Variants in MAPK10 observed in about 807,000 individuals in gnomAD.
The protein encoded by MAPK10 is mitogen-activated protein kinase 10.
Under a neutral mutation model 59.3 loss-of-function variants are expected in MAPK10, and 25 were observed. The ratio of observed to expected loss-of-function variants is 0.42; its 90% CI spans 0.31 to 0.59. The LOEUF (loss-of-function observed/expected upper bound fraction) is 0.59, where lower values mean the gene tolerates loss of function less well. Ranked by LOEUF, MAPK10 falls within the 20% of genes least tolerant of loss-of-function variation. The pLI is 0.15. For synonymous variants in MAPK10, 190 were observed against 200.5 expected, an observed-to-expected ratio of 0.95 and a Z score of 0.44; for missense variants, 351 against 568.9, an observed-to-expected ratio of 0.62 and a Z score of 3.90.
intron 11 of MAPK10, among the ~76,000 whole-genome samples, chr4:86,047,001 T>G (rs541430969): frequency 5.7e-4 from 87 of 152,110 alleles, no homozygotes; most frequent in Non-Finnish European, 9.3e-4. Context: ...GAGGCTAGAG[T>G]GTAACAGAGT....
chr4:86,298,310 C>A (rs1468947131), intron 2 of MAPK10, among the ~76,000 whole-genome samples: 1 of 152,088 alleles, frequency 6.6e-6, no homozygotes, highest in Non-Finnish European at 1.5e-5. Context: ...CAAATCCTGA[C>A]ATAAAAAAGA....
chr4:86,326,724 A>G (rs1447971836), intron 2 of MAPK10: 1 of 152,212 alleles, frequency 6.6e-6, no homozygotes, highest in Non-Finnish European at 1.5e-5. Context: ...AATAACAACT[A>G]AAAGTCTAGC....
At chr4:86,427,964 T>C (rs568905188) in intron 1 of MAPK10, among the ~76,000 whole-genome samples, 30 of 152,302 alleles carry the variant, frequency 2.0e-4, no homozygotes, top group African/African-American at 7.0e-4. Flanking sequence ...AAGACAAAAT[T>C]ACAATAAAAA....
intron 2 of MAPK10, among the ~76,000 whole-genome samples, chr4:86,286,839 G>A (rs921990630): frequency 6.6e-6 from 1 of 152,276 alleles, no homozygotes; most frequent in East Asian, 1.9e-4. Flanking sequence ...CTGTTAGTTT[G>A]TTGATGATGC....
intron 1 of MAPK10, 36 bp downstream of exon 1, chr4:86,359,622 C>G (rs919228649): frequency 1.0e-6 from 1 of 958,234 alleles, no homozygotes; most frequent in Non-Finnish European, 1.2e-6. Flanking sequence ...CCTCCAAAAA[C>G]AGGTTAGAAC....
At chr4:86,099,028 T>TA (rs1209848216) in intron 8 of MAPK10, 4 of 156,724 alleles carry the variant, frequency 2.6e-5, no homozygotes, top group African/African-American at 9.6e-5. Flanking sequence ...TTACAGAGAA[T>TA]AGGGCAACAA....
intron 1 of MAPK10, among the ~76,000 whole-genome samples, chr4:86,490,862 T>C (rs1754404210): frequency 6.6e-6 from 1 of 152,194 alleles, no homozygotes; most frequent in Admixed American, 6.5e-5. Context: ...CAGCTCCAAC[T>C]TAAGAAGGAA....
At chr4:86,236,399 A>G (rs2092233771) in intron 2 of MAPK10, among the ~76,000 whole-genome samples, 1 of 152,176 alleles carries the variant, frequency 6.6e-6, no homozygotes, top group African/African-American at 2.4e-5. Context: ...ACTGGACAAG[A>G]GACAAATGAT....
intron 12 of MAPK10, among the ~76,000 whole-genome samples, chr4:86,030,298 T>A (rs114454183): frequency 6.6e-6 from 1 of 152,046 alleles, no homozygotes; most frequent in Non-Finnish European, 1.5e-5. Context: ...CTCTTTAGTA[T>A]CTTTTAAAAT....
intron 1 of MAPK10, among the ~76,000 whole-genome samples, chr4:86,448,108 C>T (rs1051889699): frequency 7.9e-5 from 12 of 152,242 alleles, no homozygotes; most frequent in East Asian, 5.8e-4. Flanking sequence ...AAATACTTAG[C>T]ACATAAACAC....
At chr4:86,060,718 TG>T (rs1372105932) in intron 11 of MAPK10, among the ~76,000 whole-genome samples, 1 of 152,154 alleles carries the variant, frequency 6.6e-6, no homozygotes, top group Non-Finnish European at 1.5e-5. Context: ...ATCTATAATG[TG>T]TCTTTATTTT....
intron 9 of MAPK10, among the ~76,000 whole-genome samples, chr4:86,098,246 A>T (rs1325280166): frequency 6.6e-6 from 1 of 152,186 alleles, no homozygotes. Flanking sequence ...GGGATCTGGT[A>T]GCCTTTGTTA....
intron 11 of MAPK10, among the ~76,000 whole-genome samples, chr4:86,038,766 G>T (rs550821618): frequency 1.3e-5 from 2 of 152,132 alleles, no homozygotes; most frequent in Admixed American, 6.5e-5. Flanking sequence ...CCCCAAAATG[G>T]AGCTCAGTAT....
intron 1 of MAPK10, among the ~76,000 whole-genome samples, chr4:86,510,009 G>A (rs1030309174): frequency 1.3e-5 from 2 of 151,980 alleles, no homozygotes; most frequent in African/African-American, 2.4e-5. Context: ...AATCCTATTC[G>A]GATTAGCTCA....
At chr4:86,581,669 T>C (rs1762275397) in intron 1 of MAPK10, among the ~76,000 whole-genome samples, 4 of 144,268 alleles carry the variant, frequency 2.8e-5, no homozygotes. Flanking sequence ...TCTTTTTTTT[T>C]CAGTTATTGT....
intron 2 of MAPK10, among the ~76,000 whole-genome samples, chr4:86,260,650 A>G (rs999013218): frequency 6.6e-6 from 1 of 152,086 alleles, no homozygotes; most frequent in African/African-American, 2.4e-5. Context: ...CTAACAATCA[A>G]TGGGTCACTC....
chr4:86,531,022 G>T (rs1263830566), intron 1 of MAPK10, among the ~76,000 whole-genome samples: 2 of 152,198 alleles, frequency 1.3e-5, no homozygotes, highest in Non-Finnish European at 2.9e-5. Flanking sequence ...CAACACAGAA[G>T]AAATCATAGC....
chr4:86,443,891 G>A lies in MAPK10; in HGVS notation c.-122+9139C>T, dbSNP rs147820339. Among the ~76,000 whole-genome samples the A allele has an allele frequency of 3.4e-3, 525 of 152,202 alleles. 1 individual carries two copies. Among genetic ancestry groups the A allele is most frequent in the African/African-American group, 0.012 (493 of 41,538 alleles). Reference sequence around the variant, plus strand: ...GTAGACAACATGCAAGAATAGATGCGTAATATAAGCAGAGGGAAGGAAATT... The same window carrying A: ...GTAGACAACATGCAAGAATAGATGCATAATATAAGCAGAGGGAAGGAAATT... On this transcript the variant is annotated intron_variant, in intron 1 of 13. Transcript: ENST00000361569.
At chr4:86,163,870 C>T (rs976937341) in intron 3 of MAPK10, among the ~76,000 whole-genome samples, 1 of 152,120 alleles carries the variant, frequency 6.6e-6, no homozygotes, top group African/African-American at 2.4e-5. Flanking sequence ...GTATCAGCAC[C>T]TGAGCACTCA....
Sources: gnomAD v4.1 joint callset for allele counts (sites outside exome capture counted in the v4.1 genomes callset) on GRCh38, gnomAD v4.1.1 for gene constraint, MANE v1.5 for transcripts, NCBI Gene and HGNC (gene_info 2026-07-23, HGNC 2026-07-21) for gene names.